Variants in SEMA6D observed in about 807,000 individuals in gnomAD.
SEMA6D encodes the protein semaphorin-6D.
Under a neutral mutation model 106.6 loss-of-function variants are expected in SEMA6D, and 35 were observed. The ratio of observed to expected loss-of-function variants is 0.33; its 90% CI spans 0.25 to 0.44. SEMA6D has a LOEUF of 0.44. Among genes scored for constraint, SEMA6D ranks in the 20% least tolerant of loss-of-function variants. SEMA6D has a pLI of 1.00. For synonymous variants in SEMA6D, 499 were observed against 487.7 expected (o/e 1.02, Z -0.31); for missense variants, 1,185 against 1,345.9 (o/e 0.88, Z 1.87).
intron 3 of SEMA6D, chr15:47,581,252 C>T: frequency 2.4e-6 from 1 of 411,844 alleles, no homozygotes; most frequent in Admixed American, 2.8e-5. Flanking sequence ...ATGTTGGGCC[C>T]CCAACCCTAT....
intron 4 of SEMA6D, among the ~76,000 whole-genome samples, chr15:47,602,928 C>T (rs1258548193): frequency 2.0e-5 from 3 of 152,054 alleles, no homozygotes; most frequent in Admixed American, 2.0e-4. Flanking sequence ...TGGATAGGAT[C>T]CACTTCTCAA....
intron 3 of SEMA6D, among the ~76,000 whole-genome samples, chr15:47,519,682 T>G (rs185137229): frequency 1.8e-3 from 281 of 152,304 alleles, no homozygotes; most frequent in African/African-American, 6.6e-3. Context: ...CCTCCCTAAC[T>G]TTCACTGTAG....
chr15:47,335,849 A>G, intron 1 of SEMA6D, among the ~76,000 whole-genome samples: 1 of 152,176 alleles, frequency 6.6e-6, no homozygotes, highest in Non-Finnish European at 1.5e-5. Flanking sequence ...TGATGGGGTT[A>G]AGACGGAGCT....
intron 2 of SEMA6D, among the ~76,000 whole-genome samples, chr15:47,442,878 A>T (rs1181292167): frequency 6.6e-6 from 1 of 152,106 alleles, no homozygotes; most frequent in African/African-American, 2.4e-5. Context: ...CCTAAAATCT[A>T]TAGATTTCTA....
chr15:47,628,284 T>C (rs1383054751), intron 4 of SEMA6D, among the ~76,000 whole-genome samples: 1 of 136,464 alleles, frequency 7.3e-6, no homozygotes, highest in Non-Finnish European at 1.7e-5. Flanking sequence ...TTAAGGCACT[T>C]GCAGGGTTAT....
At chr15:47,404,205 G>A (rs2040486899) in intron 1 of SEMA6D, among the ~76,000 whole-genome samples, 1 of 152,146 alleles carries the variant, frequency 6.6e-6, no homozygotes, top group South Asian at 2.1e-4. Context: ...ACCCTAGCAA[G>A]GAGAACCTCT....
intron 1 of SEMA6D, among the ~76,000 whole-genome samples, chr15:47,370,413 G>C (rs368956885): frequency 6.6e-6 from 1 of 152,214 alleles, no homozygotes; most frequent in African/African-American, 2.4e-5. Context: ...TACTCAGAAG[G>C]CTGAGGTGAA....
intron 1 of SEMA6D, among the ~76,000 whole-genome samples, chr15:47,226,722 G>A (rs1198850716): frequency 1.3e-5 from 2 of 151,968 alleles, no homozygotes; most frequent in Non-Finnish European, 2.9e-5. Flanking sequence ...AAACAATCAA[G>A]ACATATGCCT....
intron 1 of SEMA6D, among the ~76,000 whole-genome samples, chr15:47,198,073 T>A (rs1009783841): frequency 6.6e-6 from 1 of 152,112 alleles, no homozygotes; most frequent in Non-Finnish European, 1.5e-5. Context: ...TATTTTTTTG[T>A]GGCTGAATGG....
At chr15:47,571,099 C>T (rs1388902822) in intron 3 of SEMA6D, among the ~76,000 whole-genome samples, 2 of 152,134 alleles carry the variant, frequency 1.3e-5, no homozygotes, top group African/African-American at 2.4e-5. Flanking sequence ...TCCTGCCTGC[C>T]TGCAAGCTGT....
chr15:47,350,059 A>AT (rs1343830789), intron 1 of SEMA6D, among the ~76,000 whole-genome samples: 6 of 152,090 alleles, frequency 3.9e-5, no homozygotes, highest in Admixed American at 2.6e-4. Flanking sequence ...CACTGGAAAA[A>AT]TTTTTGTGTG....
intron 1 of SEMA6D, among the ~76,000 whole-genome samples, chr15:47,738,149 C>G (rs1438843613): frequency 1.3e-5 from 2 of 152,130 alleles, no homozygotes; most frequent in African/African-American, 4.8e-5. Flanking sequence ...GTTCCCTCCC[C>G]TCAACCCCTA....
chr15:47,292,154 T>G (rs1290913080), intron 1 of SEMA6D, among the ~76,000 whole-genome samples: 1 of 152,212 alleles, frequency 6.6e-6, no homozygotes, highest in Non-Finnish European at 1.5e-5. Context: ...CATTGAACAT[T>G]GAATATTGAT....
intron 1 of SEMA6D, among the ~76,000 whole-genome samples, chr15:47,341,970 C>A (rs1174716266): frequency 6.6e-6 from 1 of 151,962 alleles, no homozygotes; most frequent in Non-Finnish European, 1.5e-5. Flanking sequence ...TCAGTGAAAT[C>A]ATTCCATGTC....
At chr15:47,517,781 C>G (rs2044436264) in intron 3 of SEMA6D, among the ~76,000 whole-genome samples, 1 of 152,106 alleles carries the variant, frequency 6.6e-6, no homozygotes, top group African/African-American at 2.4e-5. Flanking sequence ...TTTTTATAAC[C>G]CTCGATAGAC....
At chr15:47,366,596 T>C (rs1036523457) in intron 1 of SEMA6D, among the ~76,000 whole-genome samples, 2 of 152,198 alleles carry the variant, frequency 1.3e-5, no homozygotes, top group African/African-American at 4.8e-5. Flanking sequence ...CTTGAAAGAA[T>C]CAAGGGAGAC....
chr15:47,436,511 A>G (rs1343042910), intron 2 of SEMA6D, among the ~76,000 whole-genome samples: 2 of 151,334 alleles, frequency 1.3e-5, no homozygotes, highest in Non-Finnish European at 1.5e-5. Context: ...CTCTAATGAC[A>G]CTAAATTACT....
chr15:47,270,846 A>G (rs1267457664), intron 1 of SEMA6D, among the ~76,000 whole-genome samples: 2 of 151,962 alleles, frequency 1.3e-5, no homozygotes, highest in Non-Finnish European at 2.9e-5. Flanking sequence ...ATACAAAAAA[A>G]AAGCTGGATG....
At chr15:47,498,918 T>C (rs1463962222) in intron 3 of SEMA6D, among the ~76,000 whole-genome samples, 1 of 152,142 alleles carries the variant, frequency 6.6e-6, no homozygotes, top group Non-Finnish European at 1.5e-5. Context: ...TTGTCAACTA[T>C]TTATACCATG....
Sources: allele counts gnomAD v4.1 joint callset (sites outside exome capture counted in the v4.1 genomes callset), GRCh38; gene constraint gnomAD v4.1.1; transcripts MANE v1.5; gene names NCBI Gene and HGNC (gene_info 2026-07-23, HGNC 2026-07-21).